The following RAPGEF1 variants were observed in gnomAD, a reference collection of about 807,000 sequenced individuals.
The protein encoded by RAPGEF1 is CRK SH3-binding GNRP.
RAPGEF1 carries 33 observed loss-of-function variants against 143.3 expected under a neutral mutation model. The observed-to-expected ratio is 0.23, with a 90% CI of 0.17 to 0.31. RAPGEF1 has a LOEUF of 0.31. RAPGEF1 is among the 10% of genes least tolerant of loss of function. The probability of loss-of-function intolerance (pLI) is 1.00; values close to 1 mark genes in which losing one functional copy is unlikely to be tolerated. For synonymous variants in RAPGEF1, 629 were observed against 676.5 expected (o/e 0.93, Z 1.09); for missense variants, 1,199 against 1,645.4 (o/e 0.73, Z 4.69).
intron 1 of RAPGEF1, among the ~76,000 whole-genome samples, chr9:131,718,130 T>C (rs1434211949): frequency 2.0e-5 from 3 of 152,206 alleles, no homozygotes; most frequent in Non-Finnish European, 2.9e-5. Flanking sequence ...CTCTTGTCCA[T>C]GGCTTCTCAG....
rs567035754 is a variant in RAPGEF1 at position 131,585,981 on chromosome 9, C to T, written c.3234-1385G>A. The stretch of plus-strand genomic sequence containing the variant: ...GATCACGAGGCCAGGAGGTTGAGAC[C>T]ACCCTGGCTAACACGGTGAAACCCT... On this transcript the variant is annotated intron_variant, in intron 22 of 26. Coordinates refer to ENST00000683357, the MANE Select transcript of RAPGEF1 (RefSeq NM_001377935.1). Among the ~76,000 whole-genome samples, 8 of 152,194 alleles carry T rather than the reference C, an allele frequency of 5.3e-5. No homozygotes were observed. In the South Asian group the frequency reaches 1.7e-3, roughly 32 times the overall value.
At chr9:131,706,268 C>CTT (rs200990981) in intron 1 of RAPGEF1, among the ~76,000 whole-genome samples, 82 of 146,584 alleles carry the variant, frequency 5.6e-4, no homozygotes, top group African/African-American at 1.9e-3. Context: ...CATTCTTCTT[C>CTT]TTTTTTTTTT....
intron 1 of RAPGEF1, among the ~76,000 whole-genome samples, chr9:131,710,120 G>A (rs1195168039): frequency 3.3e-5 from 5 of 152,086 alleles, no homozygotes; most frequent in Non-Finnish European, 2.9e-5. Context: ...AACCATTCTG[G>A]GGCATGCCAG....
intron 1 of RAPGEF1, among the ~76,000 whole-genome samples, chr9:131,730,711 A>AAAAAAAAAAAAAAAAAAAAAAAAAAAT (rs1837008448): frequency 6.7e-6 from 1 of 150,060 alleles, no homozygotes; most frequent in African/African-American, 2.4e-5. Context: ...AAAAAAAAAA[A>AAAAAAAAAAAAAAAAAAAAAAAAAAAT]AAAAAAAGAA....
chr9:131,630,104 C>G (rs1281030500), intron 6 of RAPGEF1, 132 bp downstream of exon 6: 5 of 720,296 alleles, frequency 6.9e-6, no homozygotes, highest in African/African-American at 1.8e-5. Context: ...ACACTGCTAA[C>G]CACTGAAAAA....
rs1406836651 is a variant in RAPGEF1 at position 131,707,341 on chromosome 9, C to T, written c.61+32429G>A. 1.7e-4 allele frequency among the ~76,000 whole-genome samples: 26 copies of T among 152,184 alleles called. 1 individual carries two copies. The highest frequency in any genetic ancestry group is 8.5e-4 in the Admixed American group (13 of 15,278). On this transcript the variant is annotated intron_variant, in intron 1 of 26. Coordinates refer to ENST00000683357, the MANE Select transcript of RAPGEF1 (RefSeq NM_001377935.1). ...AGAAAGTATAACAAACCTCATATATCGATGACCTGGACTCTAACACTTGTT... is the reference window on the plus strand; with the variant it reads ...AGAAAGTATAACAAACCTCATATATTGATGACCTGGACTCTAACACTTGTT...
chr9:131,598,918 G>A (rs936103186), intron 15 of RAPGEF1, among the ~76,000 whole-genome samples: 2 of 150,190 alleles, frequency 1.3e-5, no homozygotes, highest in Non-Finnish European at 2.9e-5. Flanking sequence ...TCCACCTCCT[G>A]GGTTCAAGTG....
intron 5 of RAPGEF1, among the ~76,000 whole-genome samples, chr9:131,637,602 G>T (rs1487402199): frequency 6.6e-6 from 1 of 152,006 alleles, no homozygotes; most frequent in Admixed American, 6.6e-5. Context: ...TGGATTGAGG[G>T]GTCCAGAAAG....
chr9:131,605,568 A>C (rs1300094385), intron 12 of RAPGEF1, among the ~76,000 whole-genome samples: 2 of 152,176 alleles, frequency 1.3e-5, no homozygotes, highest in Non-Finnish European at 2.9e-5. Context: ...ACTCATTTTG[A>C]ATTTCTGGAT....
At chr9:131,711,010 GC>G (rs1835466464) in intron 1 of RAPGEF1, among the ~76,000 whole-genome samples, 1 of 151,950 alleles carries the variant, frequency 6.6e-6, no homozygotes, top group South Asian at 2.1e-4. Flanking sequence ...GAAGTACGTA[GC>G]ATGCTGCCTG....
chr9:131,730,349 A>G (rs1450998398), intron 1 of RAPGEF1, among the ~76,000 whole-genome samples: 1 of 152,014 alleles, frequency 6.6e-6, no homozygotes, highest in African/African-American at 2.4e-5. Flanking sequence ...AACAAGCCTC[A>G]ATAAGTCCAC....
intron 3 of RAPGEF1, 24 bp from the exon 4 acceptor site, chr9:131,643,441 G>A (rs1461550329): frequency 2.5e-6 from 4 of 1,596,804 alleles, no homozygotes; most frequent in African/African-American, 2.7e-5. Flanking sequence ...TTAGGCATAA[G>A]GAGGAGGAGA....
intron 1 of RAPGEF1, among the ~76,000 whole-genome samples, chr9:131,730,349 A>T (rs1450998398): frequency 1.3e-5 from 2 of 152,014 alleles, no homozygotes; most frequent in African/African-American, 4.8e-5. Flanking sequence ...AACAAGCCTC[A>T]ATAAGTCCAC....
At chr9:131,630,981 G>A (rs1964681502) in intron 5 of RAPGEF1, among the ~76,000 whole-genome samples, 1 of 151,414 alleles carries the variant, frequency 6.6e-6, no homozygotes, top group South Asian at 2.1e-4. Context: ...TTTTTTCCCA[G>A]TTTGATGAGT....
intron 5 of RAPGEF1, among the ~76,000 whole-genome samples, chr9:131,631,766 G>A (rs553738046): frequency 2.0e-5 from 3 of 152,018 alleles, no homozygotes; most frequent in East Asian, 1.9e-4. Flanking sequence ...GGGTTCTTTC[G>A]AAAACAAAAA....
At chr9:131,684,325 A>G (rs6597522) in intron 1 of RAPGEF1, among the ~76,000 whole-genome samples, 131,635 of 152,276 alleles carry the variant, frequency 0.86, 57,105 homozygotes, top group African/African-American at 0.93. Context: ...TGTGTTAAAC[A>G]TCACCTTTTG....
intron 1 of RAPGEF1, among the ~76,000 whole-genome samples, chr9:131,707,745 T>C (rs541253292): frequency 1.3e-5 from 2 of 152,330 alleles, no homozygotes; most frequent in South Asian, 2.1e-4. Flanking sequence ...AGAAAAGGCA[T>C]ACAAATTTAT....
At chr9:131,698,922 T>C (rs1012418936) in intron 1 of RAPGEF1, among the ~76,000 whole-genome samples, 1 of 152,176 alleles carries the variant, frequency 6.6e-6, no homozygotes, top group African/African-American at 2.4e-5. Flanking sequence ...GCTCCCTAAA[T>C]AGCGGGGTGA....
At chr9:131,660,780 T>C (rs1163012129) in intron 1 of RAPGEF1, among the ~76,000 whole-genome samples, 1 of 152,174 alleles carries the variant, frequency 6.6e-6, no homozygotes, top group Non-Finnish European at 1.5e-5. Context: ...TGAGGAGGGA[T>C]TCTGGGCCCT....
Sources: gnomAD v4.1 joint callset for allele counts (sites outside exome capture counted in the v4.1 genomes callset) on GRCh38, gnomAD v4.1.1 for gene constraint, MANE v1.5 for transcripts, NCBI Gene and HGNC (gene_info 2026-07-23, HGNC 2026-07-21) for gene names.